IL16: variants seen among roughly 807,000 people sequenced by gnomAD.
The protein encoded by IL16 is interleukin 16.
IL16 carries 67 observed loss-of-function variants against 110.1 expected under a neutral mutation model. The ratio of observed to expected loss-of-function variants is 0.61; its 90% CI spans 0.50 to 0.75. The LOEUF (loss-of-function observed/expected upper bound fraction) is 0.75. IL16 is among the 30% of genes least tolerant of loss of function. IL16 has a pLI of 0.00. For missense variants in IL16, 1,545 were observed against 1,655.0 expected (o/e 0.93, Z 1.15); for synonymous variants, 689 against 662.9 (o/e 1.04, Z -0.61).
intron 2 of IL16, among the ~76,000 whole-genome samples, chr15:81,246,181 T>C (rs982181506): frequency 1.3e-5 from 2 of 152,206 alleles, no homozygotes; most frequent in African/African-American, 4.8e-5. Context: ...TTTAACTCTT[T>C]CCGCAAAGAA....
chr15:81,306,794 G>A (rs1345094953), intron 18 of IL16: 9 of 523,764 alleles, frequency 1.7e-5, no homozygotes, highest in Non-Finnish European at 3.1e-5. Flanking sequence ...CTTGGTTCGG[G>A]TTGGCAGGGC....
chr15:81,281,315 G>T lies in IL16; in HGVS notation c.1082-1324G>T, dbSNP rs28441111. Reference sequence around the variant, plus strand: ...TGTAAAGGGCCTTCCCCCACACTGTGCTCACTCCATCTGGTCCTCCTTGCT... The same window carrying T: ...TGTAAAGGGCCTTCCCCCACACTGTTCTCACTCCATCTGGTCCTCCTTGCT... On this transcript the variant is annotated intron_variant, in intron 8 of 18. Transcript: ENST00000683961. Among the ~76,000 whole-genome samples the T allele has an allele frequency of 2.9e-3, 449 of 152,310 alleles. 1 individual carries two copies. Among genetic ancestry groups the T allele is most frequent in the African/African-American group, 0.01 (419 of 41,566 alleles).
intron 2 of IL16, among the ~76,000 whole-genome samples, chr15:81,240,464 C>T (rs1897305265): frequency 6.6e-6 from 1 of 151,604 alleles, no homozygotes; most frequent in African/African-American, 2.4e-5. Flanking sequence ...ACCAATCTAC[C>T]CTTCCATCAG....
At chr15:81,205,656 A>G (rs897864828) in intron 1 of IL16, among the ~76,000 whole-genome samples, 4 of 152,304 alleles carry the variant, frequency 2.6e-5, no homozygotes, top group Admixed American at 6.5e-5. Context: ...TAAGCTCTGT[A>G]GTAAGATTAC....
At chr15:81,283,252 G>A (rs1899275907) in intron 9 of IL16, among the ~76,000 whole-genome samples, 3 of 152,204 alleles carry the variant, frequency 2.0e-5, no homozygotes, top group African/African-American at 7.2e-5. Flanking sequence ...AGGCAGAGAA[G>A]CTGGAGGGGA....
At chr15:81,224,423 C>T (rs1896720879) in intron 1 of IL16, among the ~76,000 whole-genome samples, 2 of 152,170 alleles carry the variant, frequency 1.3e-5, no homozygotes, top group Admixed American at 1.3e-4. Context: ...GGAGGCTCCT[C>T]TTGGCAAAGC....
At chr15:81,266,801 TGTGA>T (rs1477497936) in intron 4 of IL16, among the ~76,000 whole-genome samples, 12 of 152,236 alleles carry the variant, frequency 7.9e-5, no homozygotes, top group African/African-American at 2.7e-4. Context: ...CAGCCTGTCT[TGTGA>T]GTGTCATTTA....
chr15:81,290,421 G>A (rs760822494), intron 10 of IL16, 32 bp from the exon 11 acceptor site: 1 of 1,539,696 alleles, frequency 6.5e-7, no homozygotes, highest in Non-Finnish European at 8.9e-7. Flanking sequence ...AGCTTCTACT[G>A]TTTGTTTGAG....
intron 11 of IL16, chr15:81,292,066 C>A: frequency 2.3e-6 from 1 of 429,958 alleles, no homozygotes; most frequent in Admixed American, 2.6e-5. Context: ...AGGTGCACAC[C>A]CAACAGCTTC....
intron 2 of IL16, among the ~76,000 whole-genome samples, chr15:81,248,967 C>T (rs1057356315): frequency 7.9e-5 from 12 of 151,940 alleles, no homozygotes; most frequent in African/African-American, 2.2e-4. Flanking sequence ...GTGATCTGCC[C>T]GCTTCTGCAT....
chr15:81,308,546 A>T (rs960216074), intron 18 of IL16, 59 bp from the exon 19 acceptor site: 11 of 1,288,742 alleles, frequency 8.5e-6, no homozygotes, highest in Non-Finnish European at 1.2e-5. Context: ...CAAGGAGAGG[A>T]GGCAACTTTC....
chr15:81,203,122 T>C (rs1895882155), intron 1 of IL16, among the ~76,000 whole-genome samples: 1 of 151,772 alleles, frequency 6.6e-6, no homozygotes, highest in Non-Finnish European at 1.5e-5. Context: ...GTAAATGTCT[T>C]CTTTTGAGAA....
rs367954754 is a variant in IL16, at chr15:81,233,589, T to C, written c.312+7878T>C. Among the ~76,000 whole-genome samples, 214 of 151,938 alleles carry C rather than the reference T, an allele frequency of 1.4e-3. 3 individuals are homozygous for C. In the South Asian group the frequency reaches 0.043, roughly 30 times the overall value. ...ACTGGAAATTTGTTGAGAATATATA[T>C]ACATGCATATACACACACACACATA... On this transcript the variant is annotated intron_variant, in intron 2 of 18. Coordinates refer to ENST00000683961, the MANE Select transcript of IL16 (RefSeq NM_172217.5).
At chr15:81,287,771 T>C (rs1899515466) in intron 10 of IL16, among the ~76,000 whole-genome samples, 1 of 152,218 alleles carries the variant, frequency 6.6e-6, no homozygotes, top group Non-Finnish European at 1.5e-5. Context: ...CAATATATAA[T>C]GGTGTGGTGG....
chr15:81,271,278 T>A (rs113569519), intron 5 of IL16, among the ~76,000 whole-genome samples: 31,674 of 144,894 alleles, frequency 0.22, 3,520 homozygotes, highest in African/African-American at 0.28. Flanking sequence ...TAAAATAAAT[T>A]AAATAAAATA....
rs925976198 is a variant in IL16 at position 81,203,619 on chromosome 15, A to G, written c.-102+6467A>G. ...CTTGTTTTTGTCAGGTTTGTCAAAGATCAGATAGTTGTAGATATGCGGCAT... is the reference window on the plus strand; with the variant it reads ...CTTGTTTTTGTCAGGTTTGTCAAAGGTCAGATAGTTGTAGATATGCGGCAT... On this transcript the variant is annotated intron_variant, in intron 1 of 18. Transcript: ENST00000683961. Among the ~76,000 whole-genome samples, 351 of 152,232 alleles carry G rather than the reference A, an allele frequency of 2.3e-3. 1 individual carries two copies. The highest frequency in any genetic ancestry group is 0.013 in the South Asian group (62 of 4,818).
At chr15:81,203,333 C>T (rs1386151479) in intron 1 of IL16, among the ~76,000 whole-genome samples, 1 of 152,092 alleles carries the variant, frequency 6.6e-6, no homozygotes, top group Non-Finnish European at 1.5e-5. Context: ...TAATTAGATC[C>T]CATTGGTCAA....
chr15:81,245,916 T>C (rs375694107), intron 2 of IL16, among the ~76,000 whole-genome samples: 13 of 152,058 alleles, frequency 8.5e-5, no homozygotes, highest in African/African-American at 3.1e-4. Flanking sequence ...ACATCAAATA[T>C]CTAGAGTTTT....
chr15:81,204,130 T>G (rs1318989370), intron 1 of IL16, among the ~76,000 whole-genome samples: 1 of 152,174 alleles, frequency 6.6e-6, no homozygotes, highest in African/African-American at 2.4e-5. Context: ...GTTTGTCTGT[T>G]ATTGGTGTAT....
Sources: allele counts gnomAD v4.1 joint callset (sites outside exome capture counted in the v4.1 genomes callset), GRCh38; gene constraint gnomAD v4.1.1; transcripts MANE v1.5; gene names NCBI Gene and HGNC (gene_info 2026-07-23, HGNC 2026-07-21).